The following KCNMA1 variants were observed in gnomAD, a reference collection of about 807,000 sequenced individuals.
KCNMA1 encodes Calcium-activated potassium channel subunit alpha-1.
KCNMA1 carries 29 observed loss-of-function variants against 140.0 expected under a neutral mutation model. That is an observed-to-expected ratio of 0.21 (90% CI 0.15 to 0.28). The LOEUF is 0.28. Among genes scored for constraint, KCNMA1 ranks in the 10% least tolerant of loss-of-function variants. KCNMA1 has a pLI of 1.00. For missense variants in KCNMA1, 880 were observed against 1,602.2 expected (o/e 0.55, Z 7.70); for synonymous variants, 612 against 611.9 (o/e 1.00, Z 0.00).
At chr10:76,959,509 G>A (rs994390047) in intron 20 of KCNMA1, among the ~76,000 whole-genome samples, 3 of 152,178 alleles carry the variant, frequency 2.0e-5, no homozygotes, top group African/African-American at 7.2e-5. Flanking sequence ...AGGATTACAT[G>A]AGTAAAGATA....
intron 1 of KCNMA1, among the ~76,000 whole-genome samples, chr10:77,468,615 T>G (rs1325949510): frequency 2.0e-5 from 3 of 152,166 alleles, no homozygotes; most frequent in Non-Finnish European, 4.4e-5. Flanking sequence ...GAACCGATCC[T>G]TCCTTCACAA....
intron 1 of KCNMA1, among the ~76,000 whole-genome samples, chr10:77,421,488 T>A (rs867319345): frequency 2.0e-5 from 3 of 152,350 alleles, no homozygotes; most frequent in Middle Eastern, 3.4e-3. Flanking sequence ...ATTTTAGGCT[T>A]TAGCATATGG....
At chr10:76,960,618 GTTTTTTTTTTTTTTT>G (rs55685324) in intron 20 of KCNMA1, among the ~76,000 whole-genome samples, 1 of 59,296 alleles carries the variant, frequency 1.7e-5, no homozygotes, top group African/African-American at 6.7e-5. Context: ...TTATGGTTTT[GTTTTTTTTTTTTTTT>G]TTTTTTTTTT....
chr10:77,442,765 T>G (rs994720349), intron 1 of KCNMA1, among the ~76,000 whole-genome samples: 2 of 152,092 alleles, frequency 1.3e-5, no homozygotes, highest in Non-Finnish European at 2.9e-5. Context: ...AGTTGTTGGT[T>G]TCTCCACGCT....
chr10:77,418,292 C>G (rs1396813432), intron 1 of KCNMA1, among the ~76,000 whole-genome samples: 1 of 152,186 alleles, frequency 6.6e-6, no homozygotes, highest in African/African-American at 2.4e-5. Flanking sequence ...CTCCGCTAGA[C>G]CCATCAATCT....
Position 77,108,355 on chromosome 10 carries a change from G to A in KCNMA1, c.1223+126C>T, listed in dbSNP as rs1394112904. The A allele has an allele frequency of 1.0e-5, 16 of 1,584,714 alleles. No individual in the cohort carries two copies. Among genetic ancestry groups the A allele is most frequent in the Admixed American group, 1.8e-5 (1 of 55,992 alleles). On this transcript the variant is annotated intron_variant, in intron 9 of 27. Transcript: ENST00000286628. The surrounding 1 kb of genome is among the most constrained non-coding windows in gnomAD (Gnocchi z 4.6). The stretch of plus-strand genomic sequence containing the variant: ...ACTCAGGATGAGAGCAGCAATTTCG[G>A]GCACGTAGCGGGCAAACATTGCCTA...
chr10:77,403,503 C>T lies in KCNMA1; in HGVS notation c.540+359G>A, dbSNP rs144333584. Among the ~76,000 whole-genome samples the T allele has an allele frequency of 1.2e-3, 177 of 152,274 alleles. 7 individuals are homozygous for T. The highest frequency in any genetic ancestry group is 0.01 in the Admixed American group (154 of 15,298). ...CTCACTCAGCACTCCCCAGGATCCC[C>T]GCATTTGTAGCCCTTCCATGAGTTT... On this transcript the variant is annotated intron_variant, in intron 2 of 27. Coordinates refer to ENST00000286628, the MANE Select transcript of KCNMA1 (RefSeq NM_001161352.2).
At chr10:77,194,839 A>G (rs2039892193) in intron 3 of KCNMA1, among the ~76,000 whole-genome samples, 1 of 136,606 alleles carries the variant, frequency 7.3e-6, no homozygotes, top group Non-Finnish European at 1.7e-5. Flanking sequence ...GAACATCTGG[A>G]AAAAAAAATA....
At chr10:77,275,503 C>T (rs1036540947) in intron 2 of KCNMA1, among the ~76,000 whole-genome samples, 26 of 152,152 alleles carry the variant, frequency 1.7e-4, no homozygotes, top group Non-Finnish European at 1.2e-4. Context: ...TTGTCCAACG[C>T]CCTATTGTGT....
chr10:77,295,811 A>AAAAAAAAAAAAAAAAAAAC (rs1565799197), intron 2 of KCNMA1, among the ~76,000 whole-genome samples: 2 of 148,910 alleles, frequency 1.3e-5, no homozygotes, highest in African/African-American at 5.1e-5. Flanking sequence ...AAAAAAAAAA[A>AAAAAAAAAAAAAAAAAAAC]AAAAAACAGT....
intron 19 of KCNMA1, among the ~76,000 whole-genome samples, chr10:76,998,891 T>C (rs1268722065): frequency 6.6e-6 from 1 of 152,212 alleles, no homozygotes; most frequent in Non-Finnish European, 1.5e-5. Context: ...TTCTAACTTA[T>C]TATTAATGGT....
At chr10:77,442,265 G>T (rs1330370933) in intron 1 of KCNMA1, among the ~76,000 whole-genome samples, 9 of 152,060 alleles carry the variant, frequency 5.9e-5, no homozygotes, top group Admixed American at 5.2e-4. Flanking sequence ...GACTCCTCTG[G>T]ATCCAGAGCC....
intron 2 of KCNMA1, among the ~76,000 whole-genome samples, chr10:77,299,305 C>A (rs1184218116): frequency 1.3e-5 from 2 of 152,198 alleles, no homozygotes; most frequent in Non-Finnish European, 2.9e-5. Context: ...CCTTCCCTCC[C>A]ATCTGAAATT....
chr10:77,206,714 TA>T (rs1171328813), intron 3 of KCNMA1, among the ~76,000 whole-genome samples: 1 of 144,252 alleles, frequency 6.9e-6, no homozygotes, highest in Non-Finnish European at 1.5e-5. Flanking sequence ...CACCAAAACC[TA>T]CACAAGTGCC....
exon 28 of KCNMA1, chr10:76,870,351 T>G (rs2031033956): frequency 6.6e-6 from 1 of 152,286 alleles, no homozygotes; most frequent in African/African-American, 2.4e-5. Context: ...GGCCCGGTAG[T>G]GCTTCCCAAG....
At chr10:76,970,973 A>G (rs1481938855) in intron 19 of KCNMA1, 3 of 152,228 alleles carry the variant, frequency 2.0e-5, no homozygotes, top group South Asian at 2.1e-4. Flanking sequence ...GACACCCACT[A>G]ATAAGCTTTG....
chr10:77,183,620 T>G (rs2098820273), intron 4 of KCNMA1, 88 bp from the exon 5 acceptor site: 1 of 963,664 alleles, frequency 1.0e-6, no homozygotes, highest in African/African-American at 1.6e-5. Flanking sequence ...AAGGGTAAGT[T>G]TTGAGTTTTC....
At chr10:77,446,317 A>T (rs775457930) in intron 1 of KCNMA1, among the ~76,000 whole-genome samples, 1 of 152,186 alleles carries the variant, frequency 6.6e-6, no homozygotes, top group Non-Finnish European at 1.5e-5. Flanking sequence ...CCAGCCTTTC[A>T]CCATCTGAGG....
chr10:77,609,022 G>C (rs2085658629), intron 1 of KCNMA1, among the ~76,000 whole-genome samples: 1 of 152,164 alleles, frequency 6.6e-6, no homozygotes, highest in Non-Finnish European at 1.5e-5. Context: ...AGTCATTATG[G>C]AAAACAGTAT....
Sources: gnomAD v4.1 joint callset for allele counts (sites outside exome capture counted in the v4.1 genomes callset) on GRCh38, gnomAD v4.1.1 for gene constraint, Gnocchi (gnomAD v3.1) non-coding constraint, MANE v1.5 for transcripts, NCBI Gene and HGNC (gene_info 2026-07-23, HGNC 2026-07-21) for gene names.